RAB6A: variants seen among roughly 807,000 people sequenced by gnomAD.
The protein encoded by RAB6A is RAB6A, member RAS oncogene family.
RAB6A carries 8 observed loss-of-function variants against 32.3 expected under a neutral mutation model. The ratio of observed to expected loss-of-function variants is 0.25; its 90% CI spans 0.15 to 0.45. RAB6A has a LOEUF of 0.45. Ranked by LOEUF, RAB6A falls within the 20% of genes least tolerant of loss-of-function variation. RAB6A has a pLI of 1.00. For synonymous variants in RAB6A, 73 were observed against 82.1 expected (o/e 0.89, Z 0.60); for missense variants, 104 against 249.4 (o/e 0.42, Z 3.93).
chr11:73,704,184 C>T (rs979613956), intron 6 of RAB6A: 1 of 433,148 alleles, frequency 2.3e-6, no homozygotes, highest in Non-Finnish European at 4.7e-6. Flanking sequence ...GAGTTCAAGA[C>T]TAGCCTGGGC....
rs140510200 is a variant in RAB6A at position 73,683,113 on chromosome 11, A to G, written c.496-3393T>C. Among the ~76,000 whole-genome samples the G allele has an allele frequency of 9.1e-3, 1,387 of 152,340 alleles. 15 individuals are homozygous for G. The highest frequency in any genetic ancestry group is 0.034 in the Middle Eastern group (10 of 294). ...TCACAATCTATTTATTATCACAAAT[A>G]GGCAGTAAGTATAGTGACTACAGAA... On this transcript the variant is annotated intron_variant, in intron 6 of 7. Coordinates refer to ENST00000336083, the MANE Select transcript of RAB6A (RefSeq NM_198896.2).
At chr11:73,683,051 A>G (rs1354964344) in intron 6 of RAB6A, among the ~76,000 whole-genome samples, 1 of 152,166 alleles carries the variant, frequency 6.6e-6, no homozygotes, top group Admixed American at 6.5e-5. Flanking sequence ...TTGAGTCAAA[A>G]GTGTTCTCCC....
chr11:73,759,155 A>AT (rs551336985), intron 1 of RAB6A, among the ~76,000 whole-genome samples: 36 of 152,324 alleles, frequency 2.4e-4, no homozygotes, highest in Middle Eastern at 3.4e-3. Flanking sequence ...GTCAAAACAA[A>AT]TAACTAATGT....
At chr11:73,741,597 G>A (rs1267894861) in intron 1 of RAB6A, among the ~76,000 whole-genome samples, 1 of 151,532 alleles carries the variant, frequency 6.6e-6, no homozygotes, top group Non-Finnish European at 1.5e-5. Context: ...AAACTTGAAA[G>A]CAACCAAAAT....
intron 1 of RAB6A, among the ~76,000 whole-genome samples, chr11:73,737,287 T>A (rs2134985531): frequency 6.6e-6 from 1 of 152,044 alleles, no homozygotes; most frequent in East Asian, 1.9e-4. Context: ...GAGTTCGAGA[T>A]CAGCCTGGGC....
chr11:73,731,682 TA>T (rs1946304088), intron 1 of RAB6A, among the ~76,000 whole-genome samples: 1 of 8,128 alleles, frequency 1.2e-4, no homozygotes, highest in African/African-American at 2.7e-4. Flanking sequence ...GATAGATAGA[TA>T]TTATATATAT....
At chr11:73,744,085 T>C (rs1478791888) in intron 1 of RAB6A, among the ~76,000 whole-genome samples, 2 of 152,048 alleles carry the variant, frequency 1.3e-5, no homozygotes, top group Non-Finnish European at 2.9e-5. Context: ...ACGCCTGTAA[T>C]TTCAGCACTT....
At chr11:73,702,229 A>G (rs1945756875) in intron 6 of RAB6A, among the ~76,000 whole-genome samples, 1 of 152,164 alleles carries the variant, frequency 6.6e-6, no homozygotes, top group African/African-American at 2.4e-5. Context: ...TGGCGCAATC[A>G]TGCCTCACTG....
chr11:73,697,508 C>A (rs1422080192), intron 6 of RAB6A, among the ~76,000 whole-genome samples: 1 of 151,650 alleles, frequency 6.6e-6, no homozygotes, highest in Admixed American at 6.6e-5. Context: ...CCACCACACT[C>A]GGCTGATTTT....
chr11:73,752,247 C>T (rs1437087361), intron 1 of RAB6A, among the ~76,000 whole-genome samples: 1 of 152,112 alleles, frequency 6.6e-6, no homozygotes, highest in Admixed American at 6.6e-5. Flanking sequence ...CACTGAAGGT[C>T]AAGAGTTCGA....
At chr11:73,683,788 G>A (rs1945396541) in intron 6 of RAB6A, among the ~76,000 whole-genome samples, 1 of 150,464 alleles carries the variant, frequency 6.6e-6, no homozygotes, top group Non-Finnish European at 1.5e-5. Context: ...CCTGACCTCA[G>A]GTGATCCACC....
rs896208148 is a variant in RAB6A at position 73,697,534 on chromosome 11, G to C, written c.495+9886C>G. 4.5e-4 allele frequency among the ~76,000 whole-genome samples: 68 copies of C among 152,114 alleles called. 1 individual carries two copies. Among genetic ancestry groups the C allele is most frequent in the African/African-American group, 1.5e-3 (64 of 41,478 alleles). ...GGCTGATTTTCGTATTTTTAGTAGAGACGGGTTTCACTATGTTGGCCAGGC... is the reference window on the plus strand; with the variant it reads ...GGCTGATTTTCGTATTTTTAGTAGACACGGGTTTCACTATGTTGGCCAGGC... On this transcript the variant is annotated intron_variant, in intron 6 of 7. Coordinates refer to ENST00000336083, the MANE Select transcript of RAB6A (RefSeq NM_198896.2).
intron 6 of RAB6A, among the ~76,000 whole-genome samples, chr11:73,706,105 A>G (rs759930176): frequency 3.3e-5 from 5 of 152,242 alleles, no homozygotes; most frequent in Non-Finnish European, 7.3e-5. Context: ...TTATGATTCA[A>G]GGCATGGAGG....
intron 1 of RAB6A, among the ~76,000 whole-genome samples, chr11:73,760,281 G>C (rs1009468810): frequency 2.0e-4 from 31 of 152,278 alleles, no homozygotes; most frequent in African/African-American, 7.5e-4. Context: ...TGGACAAGAG[G>C]CTGGGCGGGG....
At chr11:73,702,657 C>T (rs1344226863) in intron 6 of RAB6A, among the ~76,000 whole-genome samples, 3 of 152,072 alleles carry the variant, frequency 2.0e-5, no homozygotes, top group African/African-American at 7.2e-5. Flanking sequence ...CTGACTATAA[C>T]AGAATTAAAT....
chr11:73,720,757 C>A, intron 3 of RAB6A, 89 bp downstream of exon 3: 1 of 1,056,138 alleles, frequency 9.5e-7, no homozygotes, highest in East Asian at 2.4e-5. Context: ...TTGCTAAGTA[C>A]TTCTTATGGT....
intron 1 of RAB6A, chr11:73,759,919 G>C (rs1180323188): frequency 2.6e-6 from 2 of 761,056 alleles, no homozygotes; most frequent in African/African-American, 3.6e-5. Flanking sequence ...CACTGCCGAC[G>C]CTACCCCTTT....
intron 6 of RAB6A, among the ~76,000 whole-genome samples, chr11:73,702,109 T>C (rs1945755077): frequency 6.6e-6 from 1 of 152,242 alleles, no homozygotes. Flanking sequence ...TAGGTTTCAA[T>C]ATCCCCTTCT....
intron 6 of RAB6A, among the ~76,000 whole-genome samples, chr11:73,694,040 T>C (rs561249311): frequency 6.6e-6 from 1 of 152,160 alleles, no homozygotes; most frequent in South Asian, 2.1e-4. Flanking sequence ...GGTATCAGAA[T>C]TACCTGGGAA....
Sources: allele counts gnomAD v4.1 joint callset (sites outside exome capture counted in the v4.1 genomes callset), GRCh38; gene constraint gnomAD v4.1.1; transcripts MANE v1.5; gene names NCBI Gene and HGNC (gene_info 2026-07-23, HGNC 2026-07-21).